The following GRK5 variants were observed in gnomAD, a reference collection of about 807,000 sequenced individuals.
The protein encoded by GRK5 is g protein-coupled receptor kinase GRK5.
GRK5 carries 40 observed loss-of-function variants against 78.4 expected under a neutral mutation model. The observed-to-expected ratio is 0.51, with a 90% CI of 0.40 to 0.66. The LOEUF is 0.66. Among genes scored for constraint, GRK5 ranks in the 30% least tolerant of loss-of-function variants. GRK5 has a pLI of 0.00. For missense variants in GRK5, 598 were observed against 759.9 expected (o/e 0.79, Z 2.50); for synonymous variants, 289 against 296.8 (o/e 0.97, Z 0.27).
rs1849577426 is a variant in GRK5, at chr10:119,271,168, A to T, written c.53-55348A>T. Among the ~76,000 whole-genome samples the T allele has an allele frequency of 6.6e-6, 1 of 152,120 alleles. No individual in the cohort carries two copies. ...GTGGCGCCGGCGCCGTTAGGGAGGG[A>T]GTGTTCACCGGAAACCTGCCCGGGC... On this transcript the variant is annotated intron_variant, in intron 1 of 15. Coordinates refer to ENST00000392870, the MANE Select transcript of GRK5 (RefSeq NM_005308.3). This position sits in a 1 kb window ranked among gnomAD's most constrained non-coding sequence, Gnocchi z 4.1.
chr10:119,459,283 CAA>C lies in GRK5; in HGVS notation c.*4217_*4218del, dbSNP rs1853446572. The C allele has an allele frequency of 2.6e-5, 4 of 152,260 alleles. No individual in the cohort carries two copies. Among genetic ancestry groups the C allele is most frequent in the African/African-American group, 9.7e-5 (4 of 41,450 alleles). The allele number at this position is 152,260 out of a possible 1,614,324, so 9.4% of individuals were successfully genotyped here. ...CCCAGCTGTTGAAGCTCAGCGTGTG[CAA>C]GTCAGACCCTGCACAGGCCGGGGGT... On this transcript the variant is annotated 3_prime_UTR_variant, in exon 16 of 16. Coordinates refer to ENST00000392870, the MANE Select transcript of GRK5 (RefSeq NM_005308.3).
intron 1 of GRK5, among the ~76,000 whole-genome samples, chr10:119,225,498 G>A (rs1253244217): frequency 3.3e-5 from 5 of 152,102 alleles, no homozygotes; most frequent in African/African-American, 1.2e-4. Flanking sequence ...GAAGAGGTTG[G>A]GAGGGGAATG....
In GRK5 at chr10:119,431,621, TC is replaced by T; in HGVS notation, c.738+98del. On this transcript the variant is annotated intron_variant, in intron 8 of 15. Transcript: ENST00000392870. This position sits in a 1 kb window ranked among gnomAD's most constrained non-coding sequence, Gnocchi z 4.8. ...GGGCGTGGTCCTCTAATGCGGCCGGTCCCCACCCCTGGGAAGGGGAATGCCA... is the reference window on the plus strand; with the variant it reads ...GGGCGTGGTCCTCTAATGCGGCCGGTCCCACCCCTGGGAAGGGGAATGCCA... 2.8e-6 allele frequency: 4 copies of T among 1,436,032 alleles called. No individual in the cohort carries two copies. The highest frequency in any genetic ancestry group is 1.4e-5 in the African/African-American group (1 of 69,500). The allele number at this position is 1,436,032 out of a possible 1,614,324, so 89.0% of individuals were successfully genotyped here. A position where few individuals can be genotyped will look rare whatever the true frequency, so the allele number is the denominator to read the frequency against.
rs1214884073 is a variant in GRK5, at chr10:119,426,823, G to GCATCATCACCATCATCAA, written c.533+1755_533+1756insACATCATCACCATCATCA. On this transcript the variant is annotated intron_variant, in intron 6 of 15. Transcript: ENST00000392870. ...TTCATCAACATCACCACCATCATCAGCATCATCACCATCATCAGCATCACC... is the reference window on the plus strand; with the variant it reads ...TTCATCAACATCACCACCATCATCAGCATCATCACCATCATCAACATCATCACCATCATCAGCATCACC... Among the ~76,000 whole-genome samples the GCATCATCACCATCATCAA allele has an allele frequency of 3.3e-5, 5 of 150,446 alleles. No individual in the cohort carries two copies. In the East Asian group the frequency reaches 5.9e-4, roughly 18 times the overall value.
At chr10:119,322,619 C>T (rs1314265579) in intron 1 of GRK5, among the ~76,000 whole-genome samples, 1 of 152,210 alleles carries the variant, frequency 6.6e-6, no homozygotes, top group Non-Finnish European at 1.5e-5. Context: ...ATAAAATAGA[C>T]TCCTGGGTTC....
At chr10:119,312,195 C>A (rs946436183) in intron 1 of GRK5, among the ~76,000 whole-genome samples, 5 of 152,194 alleles carry the variant, frequency 3.3e-5, no homozygotes. Flanking sequence ...GGATTACAGG[C>A]GTGAGCCTCT....
chr10:119,214,163 C>T (rs1282094826), intron 1 of GRK5, among the ~76,000 whole-genome samples: 1 of 151,894 alleles, frequency 6.6e-6, no homozygotes, highest in African/African-American at 2.4e-5. Context: ...TTAGTAGAGG[C>T]GGGGTTTCGC....
At chr10:119,262,750 G>T (rs1420975728) in intron 1 of GRK5, among the ~76,000 whole-genome samples, 1 of 152,156 alleles carries the variant, frequency 6.6e-6, no homozygotes, top group Admixed American at 6.6e-5. Flanking sequence ...GAGTAGCATT[G>T]GACAGGGAGT....
intron 4 of GRK5, among the ~76,000 whole-genome samples, chr10:119,421,739 G>A (rs1030463758): frequency 6.6e-6 from 1 of 152,216 alleles, no homozygotes; most frequent in Admixed American, 6.5e-5. Context: ...ACTGCAGGCT[G>A]CCCCCCAAGA....
At chr10:119,391,589 C>G (rs1851889034) in intron 3 of GRK5, among the ~76,000 whole-genome samples, 1 of 151,934 alleles carries the variant, frequency 6.6e-6, no homozygotes, top group African/African-American at 2.4e-5. Flanking sequence ...GAGAAGACTG[C>G]CCACAGGAGT....
intron 1 of GRK5, among the ~76,000 whole-genome samples, chr10:119,320,069 C>A (rs990644627): frequency 6.6e-6 from 1 of 152,218 alleles, no homozygotes; most frequent in Non-Finnish European, 1.5e-5. Flanking sequence ...TGAGAAGGGA[C>A]ACTAGAGCTG....
At chr10:119,352,662 A>C (rs55926320) in intron 2 of GRK5, among the ~76,000 whole-genome samples, 6 of 152,024 alleles carry the variant, frequency 3.9e-5, no homozygotes, top group Non-Finnish European at 8.8e-5. Context: ...ATTGGAGGGG[A>C]AAGTTGCAGC....
At chr10:119,252,640 A>G (rs1849222341) in intron 1 of GRK5, among the ~76,000 whole-genome samples, 1 of 152,026 alleles carries the variant, frequency 6.6e-6, no homozygotes. Context: ...AGAACAGTCT[A>G]CCTTTCTATT....
rs1052607638 is a variant in GRK5, at chr10:119,440,553, T to A, written c.967+785T>A. ...CCACCACACCTGGCTAGTTTTTGTA[T>A]TTTTTTTTTTTTTTGAGATGTAGTT... On this transcript the variant is annotated intron_variant, in intron 10 of 15. Transcript: ENST00000392870. 3.0e-4 allele frequency among the ~76,000 whole-genome samples: 15 copies of A among 49,560 alleles called. 1 individual carries two copies. The highest frequency in any genetic ancestry group is 1.3e-3 in the Admixed American group (6 of 4,478). The allele number at this position is 49,560 out of a possible 152,430, so 32.5% of individuals were successfully genotyped here.
chr10:119,340,730 G>A (rs1850967987), intron 2 of GRK5, among the ~76,000 whole-genome samples: 1 of 152,178 alleles, frequency 6.6e-6, no homozygotes, highest in South Asian at 2.1e-4. Flanking sequence ...TTACCACTTG[G>A]TCCTGTGGCC....
At chr10:119,403,174 C>CT (rs1255414309) in intron 4 of GRK5, among the ~76,000 whole-genome samples, 29 of 149,500 alleles carry the variant, frequency 1.9e-4, no homozygotes, top group Admixed American at 7.3e-4. Context: ...TGACTGGCTT[C>CT]TTTTTTTTTT....
intron 4 of GRK5, among the ~76,000 whole-genome samples, chr10:119,403,630 T>TTTGTTG (rs749244447): frequency 6.6e-6 from 1 of 151,874 alleles, no homozygotes; most frequent in Non-Finnish European, 1.5e-5. Context: ...TTTCTACCTT[T>TTTGTTG]TTGTTGTTGT....
intron 3 of GRK5, among the ~76,000 whole-genome samples, chr10:119,383,241 T>C (rs1435873791): frequency 6.6e-6 from 1 of 152,330 alleles, no homozygotes; most frequent in Middle Eastern, 3.4e-3. Context: ...ATATTTCTTA[T>C]ACGTTGCTAG....
chr10:119,256,142 C>T (rs1314623107), intron 1 of GRK5, among the ~76,000 whole-genome samples: 1 of 152,034 alleles, frequency 6.6e-6, no homozygotes, highest in Admixed American at 6.5e-5. Flanking sequence ...AGTCTTGGCC[C>T]AGCCTCCACT....
Sources: gnomAD v4.1 joint callset for allele counts (sites outside exome capture counted in the v4.1 genomes callset) on GRCh38, gnomAD v4.1.1 for gene constraint, Gnocchi (gnomAD v3.1) non-coding constraint, MANE v1.5 for transcripts, NCBI Gene and HGNC (gene_info 2026-07-23, HGNC 2026-07-21) for gene names.